Variants in TTLL3 observed in about 807,000 individuals in gnomAD.
The protein encoded by TTLL3 is tubulin monoglycylase TTLL3.
TTLL3 carries 63 observed loss-of-function variants against 75.2 expected under a neutral mutation model. That is an observed-to-expected ratio of 0.84 (90% CI 0.68 to 1.03). The LOEUF is 1.03. Among genes scored for constraint, TTLL3 ranks in the 50% least tolerant of loss-of-function variants. The probability of loss-of-function intolerance (pLI) is 0.00; values close to 1 mark genes in which losing one functional copy is unlikely to be tolerated. For missense variants in TTLL3, 997 were observed against 1,069.9 expected (o/e 0.93, Z 0.95); for synonymous variants, 393 against 418.5 (o/e 0.94, Z 0.74).
rs1249728773 is a variant in TTLL3, at chr3:9,827,332, C to T, written c.1247+92C>T. On this transcript the variant is annotated intron_variant, in intron 10 of 13. Transcript: ENST00000685419. ...ATTACAGTGCAGGGGACTCGCGCAG[C>T]AGCGCTAGGCTCCACACACAGACTG... The T allele has an allele frequency of 4.5e-6, 7 of 1,540,794 alleles. No individual in the cohort carries two copies. The East Asian group carries it at 9.2e-5, about 20-fold the overall frequency.
chr3:9,821,998 G>GTC (rs1354119249), intron 8 of TTLL3, among the ~76,000 whole-genome samples: 1 of 119,038 alleles, frequency 8.4e-6, no homozygotes, highest in East Asian at 2.8e-4. Flanking sequence ...ATGAGACTCC[G>GTC]TCTCAAAAAA....
chr3:9,825,528 G>C (rs1373570360), intron 8 of TTLL3: 3 of 512,020 alleles, frequency 5.9e-6, no homozygotes, highest in Non-Finnish European at 7.1e-6. Flanking sequence ...TAGGAAGGGG[G>C]TGGCACAGGT....
chr3:9,813,121 T>A lies in TTLL3; in HGVS notation c.217+10T>A. ...GACACCACTGAGGATGGTGAGTGGT[T>A]CCTTCCCTTTCCACAGCTGTTGCTC... On this transcript the variant is annotated intron_variant, in intron 3 of 13. Coordinates refer to ENST00000685419, the MANE Select transcript of TTLL3 (RefSeq NM_001387446.1). The A allele has an allele frequency of 6.3e-7, 1 of 1,588,072 alleles. No individual in the cohort carries two copies. Among genetic ancestry groups the A allele is most frequent in the Non-Finnish European group, 8.6e-7 (1 of 1,164,452 alleles).
intron 11 of TTLL3, among the ~76,000 whole-genome samples, chr3:9,831,043 T>C (rs937970265): frequency 5.9e-5 from 9 of 152,162 alleles, no homozygotes; most frequent in Non-Finnish European, 1.2e-4. Context: ...CCTCGTGATT[T>C]GCCCGCCTCG....
chr3:9,821,045 CT>C (rs1203449794), intron 8 of TTLL3: 1 of 371,920 alleles, frequency 2.7e-6, no homozygotes, highest in African/African-American at 2.0e-5. Flanking sequence ...GAAAAAAGGG[CT>C]TTTGTGGTCC....
chr3:9,831,126 T>A (rs572818071), intron 11 of TTLL3, among the ~76,000 whole-genome samples: 1 of 152,316 alleles, frequency 6.6e-6, no homozygotes, highest in East Asian at 1.9e-4. Context: ...ATTGCTGATT[T>A]GTTCTTGTTT....
At chr3:9,824,932 G>A (rs953862343) in intron 8 of TTLL3, among the ~76,000 whole-genome samples, 13 of 151,560 alleles carry the variant, frequency 8.6e-5, no homozygotes, top group African/African-American at 3.1e-4. Flanking sequence ...GTAGAAACAA[G>A]GTTTTGCCAT....
At chr3:9,826,161 C>G (rs1338826814) in intron 9 of TTLL3, among the ~76,000 whole-genome samples, 2 of 152,192 alleles carry the variant, frequency 1.3e-5, no homozygotes, top group Non-Finnish European at 2.9e-5. Flanking sequence ...ATGATAATAC[C>G]TCCTGTGAGG....
At chr3:9,812,465 A>G (rs1244332484) in intron 2 of TTLL3, among the ~76,000 whole-genome samples, 1 of 152,078 alleles carries the variant, frequency 6.6e-6, no homozygotes, top group Non-Finnish European at 1.5e-5. Flanking sequence ...CAGTGAGCCA[A>G]GATTGTGCCA....
chr3:9,811,241 A>G (rs948615404), intron 2 of TTLL3, among the ~76,000 whole-genome samples: 21 of 150,924 alleles, frequency 1.4e-4, no homozygotes, highest in Non-Finnish European at 3.0e-5. Context: ...CGAACTCCAC[A>G]TCCCGTAGAT....
chr3:9,809,912 C>A, upstream of TTLL3: 1 of 622,180 alleles, frequency 1.6e-6, no homozygotes, highest in East Asian at 7.2e-5. Flanking sequence ...GAGGACAAGG[C>A]TCGAGCCTAG....
At chr3:9,831,952 G>A (rs145668790) in intron 11 of TTLL3, among the ~76,000 whole-genome samples, 103 of 150,562 alleles carry the variant, frequency 6.8e-4, no homozygotes, top group African/African-American at 2.5e-3. Flanking sequence ...CACCATGGCC[G>A]GCTAATTTTT....
chr3:9,832,870 G>T (rs2081693386), intron 11 of TTLL3, among the ~76,000 whole-genome samples: 1 of 152,200 alleles, frequency 6.6e-6, no homozygotes, highest in Admixed American at 6.5e-5. Context: ...ATGTGGCTGA[G>T]GGGTGCTGGT....
rs1421608094 is a variant in TTLL3, at chr3:9,810,378, C to A, written c.-58C>A. 8.0e-6 allele frequency: 10 copies of A among 1,255,222 alleles called. No individual in the cohort carries two copies. The highest frequency in any genetic ancestry group is 9.1e-6 in the Non-Finnish European group (9 of 984,384). The allele number at this position is 1,255,222 out of a possible 1,614,324, so 77.8% of individuals were successfully genotyped here. ...GCCCCCCGCACACCCCGGTCCTCGACCCCTCTCCGCAGGATGGTGAGGCCC... is the reference window on the plus strand; with the variant it reads ...GCCCCCCGCACACCCCGGTCCTCGAACCCTCTCCGCAGGATGGTGAGGCCC... On this transcript the variant is annotated 5_prime_UTR_variant, in exon 1 of 14. Transcript: ENST00000685419. This position sits in a 1 kb window ranked among gnomAD's most constrained non-coding sequence, Gnocchi z 4.4.
chr3:9,810,156 C>T (rs2079206154), upstream of TTLL3: 14 of 1,473,416 alleles, frequency 9.5e-6, no homozygotes, highest in East Asian at 2.9e-5. The surrounding 1 kb of genome is among the most constrained non-coding windows in gnomAD (Gnocchi z 4.4). Flanking sequence ...CCAGTTTCCC[C>T]TCGGCGCGCC....
At chr3:9,824,737 CTTTTTTT>C (rs71052207) in intron 8 of TTLL3, among the ~76,000 whole-genome samples, 13 of 80,680 alleles carry the variant, frequency 1.6e-4, no homozygotes, top group Admixed American at 6.3e-4. Context: ...CTTTTCTTTT[CTTTTTTT>C]TTTTTTTTTT....
At position 9,817,648 on chromosome 3, in the gene TTLL3, G is replaced by A; in HGVS notation, c.448G>A (p.Gly150Ser). The change falls in exon 6 of 14, where the codon GGT becomes AGT. Residue 150 changes from glycine (G) to serine (S), a missense_variant. Physicochemically the swap from Gly to Ser is moderately conservative, Grantham distance 56. Transcript: ENST00000685419. The part of the protein sequence containing the change: ...ARAGSFTTKV[G>S]LCLNLRNLPW... ...CTCTCAGTGGCTAACTCCGTAGGTG[G>A]GTCTATGTCTCAATCTCCGGAATTT... 6.2e-7 allele frequency: 1 copy of A among 1,614,074 alleles called. No homozygotes were observed. The highest frequency in any genetic ancestry group is 8.5e-7 in the Non-Finnish European group (1 of 1,180,024).
intron 7 of TTLL3, 52 bp downstream of exon 7, chr3:9,818,972 C>A: frequency 6.2e-7 from 1 of 1,611,076 alleles, no homozygotes; most frequent in Non-Finnish European, 8.5e-7. Context: ...TCCACCCATC[C>A]GCCCTTCCAC....
intron 11 of TTLL3, among the ~76,000 whole-genome samples, chr3:9,830,590 A>G (rs1252017027): frequency 1.3e-5 from 2 of 152,212 alleles, no homozygotes; most frequent in Non-Finnish European, 2.9e-5. Context: ...GTTTCAAAAA[A>G]TGTAAACGGG....
Sources: allele counts gnomAD v4.1 joint callset (sites outside exome capture counted in the v4.1 genomes callset), GRCh38; gene constraint gnomAD v4.1.1; non-coding constraint Gnocchi (gnomAD v3.1); transcripts MANE v1.5; gene names NCBI Gene and HGNC (gene_info 2026-07-23, HGNC 2026-07-21).